Variants in FAM24B observed in about 807,000 individuals in gnomAD.
The protein encoded by FAM24B is protein FAM24B.
In FAM24B, 3 loss-of-function variants were observed where a neutral mutation model predicts 2.3. The observed-to-expected ratio is 1.29, with a 90% confidence interval of 0.59 to 3.32. The LOEUF (loss-of-function observed/expected upper bound fraction) is 3.32, where lower values mean the gene tolerates loss of function less well. Among genes scored for constraint, FAM24B ranks in the 30% most tolerant of loss-of-function variants. FAM24B has a pLI of 0.03. For missense variants in FAM24B, 98 were observed against 117.2 expected, an observed-to-expected ratio of 0.84 and a Z score of 0.76; for synonymous variants, 36 against 46.3, an observed-to-expected ratio of 0.78 and a Z score of 0.90.
chr10:122,849,284 A>G lies in FAM24B; in HGVS notation c.248T>C (p.Leu83Pro). Residue 83 changes from leucine to proline, a missense_variant, in exon 4 of 4, where the codon CTG becomes CCG. Physicochemically the swap from Leu to Pro is moderately conservative, Grantham distance 98. Coordinates refer to ENST00000368898, the MANE Select transcript of FAM24B (RefSeq NM_152644.3). ...ATTTATGTCGCAACAGCAAGGTGGC[A>G]GGGAATCAAAACTGGCACACATTCT... ...GYRMCASFDSLPPCCCDINEG... is the reference protein window; with the variant it reads ...GYRMCASFDSPPPCCCDINEG... 1.3e-6 allele frequency: 2 copies of G among 1,585,236 alleles called. No homozygotes were observed. Among genetic ancestry groups the G allele is most frequent in the Non-Finnish European group, 1.7e-6 (2 of 1,163,908 alleles).
chr10:122,878,430 G>C (rs1282423060), intron 1 of FAM24B, among the ~76,000 whole-genome samples: 1 of 152,036 alleles, frequency 6.6e-6, no homozygotes, highest in African/African-American at 2.4e-5. Context: ...CTACTCAGAA[G>C]GCTGAGGCAG....
chr10:122,865,620 G>A (rs1160228002), intron 1 of FAM24B, among the ~76,000 whole-genome samples: 2 of 152,078 alleles, frequency 1.3e-5, no homozygotes, highest in African/African-American at 2.4e-5. Flanking sequence ...TTAGGGTAAT[G>A]CTGGCCTCAT....
At chr10:122,877,176 C>T (rs1025504686) in intron 1 of FAM24B, among the ~76,000 whole-genome samples, 1 of 152,164 alleles carries the variant, frequency 6.6e-6, no homozygotes, top group Non-Finnish European at 1.5e-5. Flanking sequence ...AAATTGAGGT[C>T]ACCTAGGCAC....
intron 1 of FAM24B, among the ~76,000 whole-genome samples, chr10:122,877,092 T>C (rs780568309): frequency 3.9e-5 from 6 of 152,244 alleles, no homozygotes; most frequent in Non-Finnish European, 8.8e-5. Flanking sequence ...TGCCTTATTC[T>C]TTATTTCAAG....
intron 1 of FAM24B, among the ~76,000 whole-genome samples, chr10:122,869,148 A>G (rs1035935742): frequency 6.6e-6 from 1 of 152,124 alleles, no homozygotes; most frequent in South Asian, 2.1e-4. Context: ...TCTCTGATAA[A>G]ACAGACTTTA....
chr10:122,858,359 C>T (rs1163955957), intron 1 of FAM24B, among the ~76,000 whole-genome samples: 1 of 147,778 alleles, frequency 6.8e-6, no homozygotes. Context: ...ACGATGAGAA[C>T]ACTTGGACAC....
rs146937327 is a variant in FAM24B at position 122,866,140 on chromosome 10, C to G, written c.-177-10354G>C. The stretch of plus-strand genomic sequence containing the variant: ...TGGTCTCTAACTCCTGACCTCAGGT[C>G]ACCTGCCCAGCTCAGCCTCCCAAAG... On this transcript the variant is annotated intron_variant, in intron 1 of 3. Transcript: ENST00000368898. 4.1e-3 allele frequency among the ~76,000 whole-genome samples: 619 copies of G among 152,112 alleles called. 3 individuals carry two copies. The highest frequency in any genetic ancestry group is 5.8e-3 in the Non-Finnish European group (392 of 67,968).
intron 1 of FAM24B, among the ~76,000 whole-genome samples, chr10:122,873,238 C>G (rs1333100657): frequency 6.6e-6 from 1 of 152,188 alleles, no homozygotes; most frequent in Non-Finnish European, 1.5e-5. Flanking sequence ...GTCAGGCTGA[C>G]TTTGTTGCTG....
chr10:122,860,586 C>A (rs1415572897), intron 1 of FAM24B, among the ~76,000 whole-genome samples: 1 of 152,206 alleles, frequency 6.6e-6, no homozygotes, highest in African/African-American at 2.4e-5. Context: ...TTATAAAAAA[C>A]TGCCAAACTG....
intron 2 of FAM24B, among the ~76,000 whole-genome samples, chr10:122,851,938 G>A (rs568271725): frequency 4.6e-5 from 7 of 152,182 alleles, no homozygotes; most frequent in Admixed American, 2.6e-4. Context: ...TTATGTCATT[G>A]GAAACTACAA....
At chr10:122,871,009 G>C (rs1847888660) in intron 1 of FAM24B, among the ~76,000 whole-genome samples, 1 of 152,222 alleles carries the variant, frequency 6.6e-6, no homozygotes, top group African/African-American at 2.4e-5. Context: ...CCTGTTTGCA[G>C]AGGACATGAT....
Position 122,849,388 on chromosome 10 carries a change from C to T in FAM24B, c.144G>A (p.Lys48=). The T allele has an allele frequency of 6.2e-7, 1 of 1,613,174 alleles. No homozygotes were observed. The highest frequency in any genetic ancestry group is 1.1e-5 in the South Asian group (1 of 90,848). ...AVAVKNHNPD[K]VWWAKNSQAK... ...CCTGGCTGTTCTTGGCCCACCACAC[C>T]TTGTCTGGGTTGTGATTTTTTACAG... Residue 48 remains lysine (K), a synonymous_variant, in exon 4 of 4, where the codon AAG becomes AAA. Transcript: ENST00000368898.
intron 2 of FAM24B, 60 bp from the exon 3 acceptor site, chr10:122,850,610 C>T: frequency 3.7e-6 from 3 of 816,060 alleles, no homozygotes; most frequent in South Asian, 2.7e-5. Context: ...CACACAACCA[C>T]TAAGCAATGC....
At chr10:122,861,073 TTTG>T (rs1312803865) in intron 1 of FAM24B, among the ~76,000 whole-genome samples, 5 of 152,198 alleles carry the variant, frequency 3.3e-5, no homozygotes, top group African/African-American at 7.2e-5. Flanking sequence ...TGATTACATT[TTTG>T]TTGTCATATC....
intron 1 of FAM24B, among the ~76,000 whole-genome samples, chr10:122,866,017 C>T (rs1487497779): frequency 6.6e-6 from 1 of 151,854 alleles, no homozygotes; most frequent in Admixed American, 6.6e-5. Flanking sequence ...ATTCTCCTGC[C>T]CTAGCCTCCC....
At chr10:122,862,157 T>C (rs1847733905) in intron 1 of FAM24B, among the ~76,000 whole-genome samples, 1 of 152,224 alleles carries the variant, frequency 6.6e-6, no homozygotes, top group South Asian at 2.1e-4. Context: ...TTCCTCTTTA[T>C]GTCTTTGCTA....
At chr10:122,853,297 T>C (rs992057594) in intron 2 of FAM24B, among the ~76,000 whole-genome samples, 1 of 152,172 alleles carries the variant, frequency 6.6e-6, no homozygotes, top group African/African-American at 2.4e-5. Context: ...GAGTGTTTCC[T>C]TACATTTTGT....
At chr10:122,858,552 T>C (rs558776931) in intron 1 of FAM24B, among the ~76,000 whole-genome samples, 10 of 151,328 alleles carry the variant, frequency 6.6e-5, no homozygotes, top group Admixed American at 5.9e-4. Context: ...TAAAGTGTAA[T>C]AATAAAAAAA....
rs1847488607 is a variant in FAM24B, at chr10:122,849,405, T to A, written c.127A>T (p.Asn43Tyr). ...AKEPEAVAVK[N>Y]HNPDKVWWAK... ...CACCACACCTTGTCTGGGTTGTGAT[T>A]TTTTACAGCCACAGCTTCAGGTTCC... is the stretch of plus-strand genomic sequence containing the variant. Residue 43 changes from asparagine (N) to tyrosine (Y), a missense_variant, in exon 4 of 4, where the codon AAT becomes TAT. Asn to Tyr is a moderately radical substitution (Grantham distance 143). Coordinates refer to ENST00000368898, the MANE Select transcript of FAM24B (RefSeq NM_152644.3). The A allele has an allele frequency of 1.1e-5, 17 of 1,611,894 alleles. No homozygotes were observed. Among genetic ancestry groups the A allele is most frequent in the African/African-American group, 9.3e-5 (7 of 74,914 alleles).
Sources: allele counts gnomAD v4.1 joint callset (sites outside exome capture counted in the v4.1 genomes callset), GRCh38; gene constraint gnomAD v4.1.1; transcripts MANE v1.5; gene names NCBI Gene and HGNC (gene_info 2026-07-23, HGNC 2026-07-21).